Variants in DNM1 observed in about 807,000 individuals in gnomAD.
DNM1 encodes the protein dynamin-1.
In DNM1, 29 loss-of-function variants were observed where a neutral mutation model predicts 104.6. The ratio of observed to expected loss-of-function variants is 0.28; its 90% CI spans 0.21 to 0.38. DNM1 has a LOEUF of 0.38. DNM1 is among the 10% of genes least tolerant of loss of function. The probability of loss-of-function intolerance (pLI) is 1.00; values close to 1 mark genes in which losing one functional copy is unlikely to be tolerated. For synonymous variants in DNM1, 445 were observed against 475.8 expected, an observed-to-expected ratio of 0.94 and a Z score of 0.84; for missense variants, 640 against 1,189.4, an observed-to-expected ratio of 0.54 and a Z score of 6.79.
Position 128,220,742 on chromosome 9 carries a change from C to CGCGCGTGTGTGTGTGTGTGTGT in DNM1, c.849+402_849+403insCGCGTGTGTGTGTGTGTGTGTG, listed in dbSNP as rs61020870. ...CAGAACTGAAGTGCGCGCGCGCGCG[C>CGCGCGTGTGTGTGTGTGTGTGT]GTGTGTGTGTGTGTGTGTGTGTGTG... On this transcript the variant is annotated intron_variant, in intron 6 of 21. Coordinates refer to ENST00000372923, the MANE Select transcript of DNM1 (RefSeq NM_004408.4). The surrounding 1 kb of genome is among the most constrained non-coding windows in gnomAD (Gnocchi z 5.2). 1.5e-4 allele frequency among the ~76,000 whole-genome samples: 20 copies of CGCGCGTGTGTGTGTGTGTGTGT among 136,360 alleles called. No individual in the cohort carries two copies. The highest frequency in any genetic ancestry group is 5.0e-4 in the African/African-American group (19 of 37,806). The allele number at this position is 136,360 out of a possible 152,430, so 89.5% of individuals were successfully genotyped here.
At position 128,248,583 on chromosome 9, in the gene DNM1, G is replaced by T; in HGVS notation, c.1906G>T (p.Ala636Ser). 6.2e-7 allele frequency: 1 copy of T among 1,613,136 alleles called. No homozygotes were observed. Among genetic ancestry groups the T allele is most frequent in the Non-Finnish European group, 8.5e-7 (1 of 1,179,244 alleles). ...YPERVGDKEK[A>S]SETEENGSDS... is the part of the protein sequence containing the mutation. ...GATGCCCTTGTGTTCTCCATGGCAG[G>T]CCAGCGAGACCGAGGAGAATGGCTC... is the stretch of plus-strand genomic sequence containing the variant. The change falls in exon 19 of 22, where the codon GCC (alanine) becomes TCC (serine). Residue 636 changes from alanine (A) to serine (S), a missense_variant and splice_region_variant. By Grantham distance (99) the Ala-to-Ser change is moderately conservative. Transcript: ENST00000372923. The surrounding 1 kb of genome is among the most constrained non-coding windows in gnomAD (Gnocchi z 5.6).
chr9:128,253,775 T>A lies in DNM1; in HGVS notation c.2535-879T>A. 1 of 435,498 alleles carries A rather than the reference T, an allele frequency of 2.3e-6. No individual in the cohort carries two copies. Among genetic ancestry groups the A allele is most frequent in the Non-Finnish European group, 3.7e-6 (1 of 270,634 alleles). 27.0% of individuals were successfully genotyped at this position (435,498 alleles called of 1,614,324 possible). A position where few individuals can be genotyped will look rare whatever the true frequency, so the allele number is the denominator to read the frequency against. ...GGCAGGGACACACAGCCCCCTTCCC[T>A]CCCTCCCAGGTACCGTCATAGCTGC... On this transcript the variant is annotated intron_variant, in intron 21 of 21. Transcript: ENST00000372923. The surrounding 1 kb of genome is among the most constrained non-coding windows in gnomAD (Gnocchi z 5.9).
chr9:128,237,537 G>T (rs1836091848), intron 11 of DNM1, among the ~76,000 whole-genome samples: 1 of 152,144 alleles, frequency 6.6e-6, no homozygotes, highest in Non-Finnish European at 1.5e-5. Context: ...CCAAAGTGCT[G>T]GGATTACAGG....
At chr9:128,227,736 T>C (rs750307586) in intron 10 of DNM1, among the ~76,000 whole-genome samples, 1 of 152,220 alleles carries the variant, frequency 6.6e-6, no homozygotes, top group Non-Finnish European at 1.5e-5. Flanking sequence ...TGTGGCATGA[T>C]TTATATGTTC....
chr9:128,220,728 T>TGCGCGCGC lies in DNM1; in HGVS notation c.849+395_849+402dup, dbSNP rs753427632. On this transcript the variant is annotated intron_variant, in intron 6 of 21. Coordinates refer to ENST00000372923, the MANE Select transcript of DNM1 (RefSeq NM_004408.4). This position sits in a 1 kb window ranked among gnomAD's most constrained non-coding sequence, Gnocchi z 5.2. ...TGGAATGGGGCATCCAGAACTGAAG[T>TGCGCGCGC]GCGCGCGCGCGCGCGTGTGTGTGTG... 5.2e-5 allele frequency among the ~76,000 whole-genome samples: 6 copies of TGCGCGCGC among 115,204 alleles called. No individual in the cohort carries two copies. The East Asian group carries it at 1.3e-3, about 26-fold the overall frequency. The allele number at this position is 115,204 out of a possible 152,430, so 75.6% of individuals were successfully genotyped here.
chr9:128,229,248 A>G (rs1390788768), intron 10 of DNM1, among the ~76,000 whole-genome samples: 3 of 150,598 alleles, frequency 2.0e-5, no homozygotes, highest in African/African-American at 7.4e-5. Flanking sequence ...TTTTTTAATT[A>G]GCCAGGCGTG....
chr9:128,220,288 C>A lies in DNM1; in HGVS notation c.796C>A (p.Arg266Ser), dbSNP rs138053929. The A allele has an allele frequency of 1.2e-6, 2 of 1,614,226 alleles. No individual in the cohort carries two copies. Among genetic ancestry groups the A allele is most frequent in the Non-Finnish European group, 8.5e-7 (1 of 1,180,046 alleles). Reference sequence around the variant, plus strand: ...GTTCTTCCTCTCCCATCCATCTTATCGCCACTTGGCTGACCGTATGGGCAC... The same window carrying A: ...GTTCTTCCTCTCCCATCCATCTTATAGCCACTTGGCTGACCGTATGGGCAC... ...RKFFLSHPSY[R>S]HLADRMGTPY... The change falls in exon 6 of 22, where the codon CGC (arginine) becomes AGC (serine). Residue 266 changes from arginine to serine, a missense_variant. By Grantham distance (110) the Arg-to-Ser change is moderately radical (BLOSUM62 -1). Around this residue, in one of 7 missense-constraint regions of DNM1, gnomAD observed 81 missense variants for 99.8 expected, o/e 0.81. Transcript: ENST00000372923. This position sits in a 1 kb window ranked among gnomAD's most constrained non-coding sequence, Gnocchi z 5.2.
intron 10 of DNM1, chr9:128,226,183 C>T (rs961285892): frequency 1.2e-6 from 2 of 1,612,692 alleles, no homozygotes; most frequent in East Asian, 2.2e-5. Context: ...GGTATGACGG[C>T]CGCCTGGGCG....
rs1829325972 is a variant in DNM1, at chr9:128,248,820, C to T, written c.2076+67C>T. ...CTGGGGATGCAGGTGGCCATGTTGG[C>T]CTGGGGGAGATGCCAACCAGCCCTA... On this transcript the variant is annotated intron_variant, in intron 19 of 21. Coordinates refer to ENST00000372923, the MANE Select transcript of DNM1 (RefSeq NM_004408.4). This position sits in a 1 kb window ranked among gnomAD's most constrained non-coding sequence, Gnocchi z 5.6. 2.6e-6 allele frequency: 4 copies of T among 1,559,790 alleles called. No individual in the cohort carries two copies. The highest frequency in any genetic ancestry group is 3.5e-6 in the Non-Finnish European group (4 of 1,140,856).
chr9:128,249,981 T>C, intron 19 of DNM1, 134 bp from the exon 20 acceptor site: 2 of 1,323,772 alleles, frequency 1.5e-6, no homozygotes, highest in South Asian at 2.7e-5. Flanking sequence ...GGGAGGTGAA[T>C]CTTCCAGTCT....
In DNM1 at chr9:128,207,536, G is replaced by A. The variant is rs921080823; in HGVS notation, c.161+3905G>A. On this transcript the variant is annotated intron_variant, in intron 1 of 21. Transcript: ENST00000372923. ...GCTCCTCTAGGGCCAAGAGTGGGTTGTCCTAGGGCAGGCCAAGTCTGGTGG... is the reference window on the plus strand; with the variant it reads ...GCTCCTCTAGGGCCAAGAGTGGGTTATCCTAGGGCAGGCCAAGTCTGGTGG... Among the ~76,000 whole-genome samples the A allele has an allele frequency of 2.0e-5, 3 of 150,122 alleles. No individual in the cohort carries two copies. The East Asian group carries it at 6.0e-4, about 30-fold the overall frequency.
intron 11 of DNM1, among the ~76,000 whole-genome samples, chr9:128,234,499 G>A (rs1315672413): frequency 6.6e-6 from 1 of 152,120 alleles, no homozygotes; most frequent in Non-Finnish European, 1.5e-5. Flanking sequence ...CGAGTAGCTG[G>A]GAGGCTACTG....
chr9:128,246,993 C>A, intron 16 of DNM1: 1 of 225,706 alleles, frequency 4.4e-6, no homozygotes. Context: ...CTAGTGGGCC[C>A]TCTGCTACTC....
chr9:128,221,633 T>C (rs1371361849), intron 6 of DNM1, among the ~76,000 whole-genome samples: 1 of 152,172 alleles, frequency 6.6e-6, no homozygotes, highest in East Asian at 1.9e-4. Context: ...TGGTGGTTCA[T>C]GCCTGTAATC....
At position 128,242,336 on chromosome 9, in the gene DNM1, G is replaced by A. The variant is rs371589347; in HGVS notation, c.1662G>A (p.Lys554=). 2.2e-5 allele frequency: 35 copies of A among 1,593,386 alleles called. No homozygotes were observed. The highest frequency in any genetic ancestry group is 2.9e-5 in the Non-Finnish European group (34 of 1,161,140). ...CTGCTGAGAATCTGTCCTGGTACAAGGATGATGAGGTGAGTCAAGGGCCAG... is the reference window on the plus strand; with the variant it reads ...CTGCTGAGAATCTGTCCTGGTACAAAGATGATGAGGTGAGTCAAGGGCCAG... The part of the protein sequence containing the change: ...VLTAENLSWY[K]DDEEKEKKYM... Residue 554 remains lysine, a synonymous_variant, in exon 15 of 22, where the codon AAG becomes AAA. Transcript: ENST00000372923.
intron 10 of DNM1, among the ~76,000 whole-genome samples, chr9:128,227,374 C>G (rs1457796006): frequency 9.6e-5 from 11 of 115,086 alleles, no homozygotes; most frequent in African/African-American, 3.6e-4. Context: ...TGGTCTCATG[C>G]CTTTTTTTTT....
At chr9:128,251,025 C>T (rs958671839) in intron 21 of DNM1, 85 bp downstream of exon 21, 3 of 916,184 alleles carry the variant, frequency 3.3e-6, no homozygotes, top group South Asian at 1.5e-5. Flanking sequence ...GAGCATCGGA[C>T]CTGGCCGCCA....
intron 11 of DNM1, among the ~76,000 whole-genome samples, chr9:128,237,987 T>C (rs927551477): frequency 4.6e-5 from 7 of 151,934 alleles, no homozygotes; most frequent in Non-Finnish European, 1.0e-4. Context: ...GTTTCCCAGG[T>C]TGGTTTTGAA....
intron 21 of DNM1, chr9:128,252,996 G>A: frequency 9.1e-7 from 1 of 1,100,616 alleles, no homozygotes; most frequent in Non-Finnish European, 1.4e-6. Context: ...GGGCCTCACA[G>A]CATGTGTGTG....
Sources: gnomAD v4.1 joint callset for allele counts (sites outside exome capture counted in the v4.1 genomes callset) on GRCh38, gnomAD v4.1.1 for gene constraint, gnomAD v4.1.1 regional missense constraint, Gnocchi (gnomAD v3.1) non-coding constraint, MANE v1.5 for transcripts, NCBI Gene and HGNC (gene_info 2026-07-23, HGNC 2026-07-21) for gene names.